The following PCP4 variants were observed in gnomAD, a reference collection of about 807,000 sequenced individuals.
The protein encoded by PCP4 is calmodulin regulator protein PCP4.
In PCP4, 8 loss-of-function variants were observed where a neutral mutation model predicts 10.0. The observed-to-expected ratio is 0.80, with a 90% confidence interval of 0.47 to 1.45. The LOEUF (loss-of-function observed/expected upper bound fraction) is 1.45. Ranked by LOEUF, PCP4 falls within the 40% of genes most tolerant of loss-of-function variation. PCP4 has a pLI of 0.00. For missense variants in PCP4, 54 were observed against 74.4 expected, an observed-to-expected ratio of 0.73 and a Z score of 1.01; for synonymous variants, 21 against 23.0, an observed-to-expected ratio of 0.91 and a Z score of 0.24.
At chr21:39,910,844 G>C (rs770534356) in intron 2 of PCP4, among the ~76,000 whole-genome samples, 3 of 152,180 alleles carry the variant, frequency 2.0e-5, no homozygotes, top group Non-Finnish European at 4.4e-5. Flanking sequence ...AACCTCATCC[G>C]ACTCTTGGTT....
chr21:39,899,023 G>A (rs923478264), intron 2 of PCP4, among the ~76,000 whole-genome samples: 28 of 152,150 alleles, frequency 1.8e-4, no homozygotes, highest in African/African-American at 6.3e-4. Flanking sequence ...AAAAATGATA[G>A]CAGTGACAGG....
At chr21:39,927,350 TATCTATCTATCTATCTATC>T (rs1365751953) in intron 2 of PCP4, among the ~76,000 whole-genome samples, 2 of 60,072 alleles carry the variant, frequency 3.3e-5, no homozygotes, top group African/African-American at 1.2e-4. Context: ...TCTATCTATC[TATCTATCTATCTATCTATC>T]ATCTATCTAT....
rs373532112 is a variant in PCP4 at position 39,912,312 on chromosome 21, GTT to G, written c.61+13799_61+13800del. Among the ~76,000 whole-genome samples the G allele has an allele frequency of 3.3e-5, 4 of 121,764 alleles. No homozygotes were observed. The East Asian group carries it at 6.3e-4, about 19-fold the overall frequency. The allele number at this position is 121,764 out of a possible 152,430, so 79.9% of individuals were successfully genotyped here. A position where few individuals can be genotyped will look rare whatever the true frequency, so the allele number is the denominator to read the frequency against. ...TATTTCATTGTTGGTCTTTTGAAAG[GTT>G]TTTTTTTTTTTTTAAAGTATTTCCA... On this transcript the variant is annotated intron_variant, in intron 2 of 2. Transcript: ENST00000328619.
chr21:39,886,678 A>T (rs1159997587), intron 1 of PCP4, among the ~76,000 whole-genome samples: 1 of 152,274 alleles, frequency 6.6e-6, no homozygotes, highest in Non-Finnish European at 1.5e-5. Context: ...TGAACTCAAC[A>T]GTGTGGGCTG....
At chr21:39,914,355 C>T (rs1353191853) in intron 2 of PCP4, among the ~76,000 whole-genome samples, 9 of 152,070 alleles carry the variant, frequency 5.9e-5, no homozygotes, top group Non-Finnish European at 1.3e-4. Flanking sequence ...AAGTGGATCA[C>T]CTGAGGTCAG....
chr21:39,871,872 GAAAAT>G (rs1009163215), intron 1 of PCP4, among the ~76,000 whole-genome samples: 52 of 151,936 alleles, frequency 3.4e-4, no homozygotes, highest in African/African-American at 1.2e-3. Context: ...TTTTCAAAAA[GAAAAT>G]AAATGACTCA....
At chr21:39,925,720 AG>A (rs1324387092) in intron 2 of PCP4, among the ~76,000 whole-genome samples, 1 of 152,120 alleles carries the variant, frequency 6.6e-6, no homozygotes, top group Non-Finnish European at 1.5e-5. Context: ...AGCAGTAGAA[AG>A]GGCCCCCTGT....
At chr21:39,927,536 A>C (rs556547675) in intron 2 of PCP4, among the ~76,000 whole-genome samples, 45 of 149,638 alleles carry the variant, frequency 3.0e-4, no homozygotes, top group Non-Finnish European at 5.6e-4. Context: ...TGGATGATGA[A>C]CTCAGGCTGC....
At chr21:39,919,302 C>T (rs1192163312) in intron 2 of PCP4, among the ~76,000 whole-genome samples, 1 of 152,212 alleles carries the variant, frequency 6.6e-6, no homozygotes, top group African/African-American at 2.4e-5. Context: ...ACACAGCTGA[C>T]AGATGTTAAT....
intron 2 of PCP4, among the ~76,000 whole-genome samples, chr21:39,921,704 G>A (rs1026577135): frequency 6.6e-6 from 1 of 152,198 alleles, no homozygotes; most frequent in Non-Finnish European, 1.5e-5. Context: ...CTCATGTGGT[G>A]AGGACACAGC....
chr21:39,876,006 G>A (rs955754355), intron 1 of PCP4, among the ~76,000 whole-genome samples: 13 of 151,644 alleles, frequency 8.6e-5, no homozygotes, highest in African/African-American at 1.5e-4. Context: ...TGCTTCTATC[G>A]TTTCCTTGGT....
intron 1 of PCP4, among the ~76,000 whole-genome samples, chr21:39,896,085 A>G (rs1304829496): frequency 6.6e-6 from 1 of 152,130 alleles, no homozygotes; most frequent in African/African-American, 2.4e-5. Flanking sequence ...CGAAAAAATG[A>G]CTGCTTTTCT....
intron 1 of PCP4, among the ~76,000 whole-genome samples, chr21:39,882,611 C>A (rs1306330854): frequency 6.6e-6 from 1 of 152,158 alleles, no homozygotes; most frequent in Non-Finnish European, 1.5e-5. Context: ...CTAGAAGAAC[C>A]ACATCATCCT....
In PCP4 at chr21:39,903,097, A is replaced by T. The variant is rs146741334; in HGVS notation, c.61+4570A>T. Among the ~76,000 whole-genome samples the T allele has an allele frequency of 6.9e-3, 1,058 of 152,286 alleles. 12 individuals are homozygous for T. Among genetic ancestry groups the T allele is most frequent in the African/African-American group, 0.024 (1,006 of 41,550 alleles). ...TGTCCGGAGAGACTCCAAGAGTTAA[A>T]TTTTTTTATTGACACACAAAAGCAG... On this transcript the variant is annotated intron_variant, in intron 2 of 2. Coordinates refer to ENST00000328619, the MANE Select transcript of PCP4 (RefSeq NM_006198.3).
intron 1 of PCP4, among the ~76,000 whole-genome samples, chr21:39,871,796 G>T (rs1424953781): frequency 6.6e-6 from 1 of 151,956 alleles, no homozygotes; most frequent in East Asian, 1.9e-4. Context: ...AATGCTGTGG[G>T]GTTAAAAAGT....
At chr21:39,888,867 T>C (rs1389383883) in intron 1 of PCP4, among the ~76,000 whole-genome samples, 1 of 152,228 alleles carries the variant, frequency 6.6e-6, no homozygotes, top group Admixed American at 6.5e-5. Flanking sequence ...TACCCGTGAC[T>C]TTTTCTCCTG....
At chr21:39,881,476 A>G (rs1382153386) in intron 1 of PCP4, among the ~76,000 whole-genome samples, 1 of 152,192 alleles carries the variant, frequency 6.6e-6, no homozygotes, top group East Asian at 1.9e-4. Flanking sequence ...ACACCTGGAC[A>G]GAGTGATTTA....
At chr21:39,910,476 TA>T (rs112241216) in intron 2 of PCP4, among the ~76,000 whole-genome samples, 31 of 148,334 alleles carry the variant, frequency 2.1e-4, no homozygotes, top group African/African-American at 4.2e-4. Context: ...ACCAGTCCAT[TA>T]AAAAAAAAAG....
chr21:39,920,457 TTG>T (rs918292158), intron 2 of PCP4, among the ~76,000 whole-genome samples: 23 of 150,956 alleles, frequency 1.5e-4, no homozygotes, highest in African/African-American at 5.1e-4. Flanking sequence ...TGTCGGTCTG[TTG>T]TGTGTGTGTG....
Sources: gnomAD v4.1 joint callset for allele counts (sites outside exome capture counted in the v4.1 genomes callset) on GRCh38, gnomAD v4.1.1 for gene constraint, MANE v1.5 for transcripts, NCBI Gene and HGNC (gene_info 2026-07-23, HGNC 2026-07-21) for gene names.